HCN1: variants seen among roughly 807,000 people sequenced by gnomAD.
The protein encoded by HCN1 is potassium/sodium hyperpolarization-activated cyclic nucleotide-gated channel 1.
A neutral mutation model predicts 78.9 loss-of-function variants in HCN1; 13 were observed. The observed-to-expected ratio is 0.16, with a 90% CI of 0.11 to 0.26. The LOEUF is 0.26. HCN1 is among the 10% of genes least tolerant of loss of function. The pLI, the probability that HCN1 is intolerant of heterozygous loss-of-function variation, is 1.00. For synonymous variants in HCN1, 552 were observed against 455.5 expected, an observed-to-expected ratio of 1.21 and a Z score of -2.70; for missense variants, 810 against 1,154.3, an observed-to-expected ratio of 0.70 and a Z score of 4.32.
At chr5:45,586,466 G>A (rs949221103) in intron 2 of HCN1, among the ~76,000 whole-genome samples, 7 of 152,128 alleles carry the variant, frequency 4.6e-5, no homozygotes, top group Admixed American at 1.3e-4. Flanking sequence ...GACCCCTTGC[G>A]CTTCCCGGGT....
At position 45,262,416 on chromosome 5, in the gene HCN1, C is replaced by T. The variant is rs1039430806; in HGVS notation, c.2178G>A (p.Gln726=). Residue 726 remains glutamine (Q), a synonymous_variant, in exon 8 of 8, where the codon CAG becomes CAA. Coordinates refer to ENST00000303230, the MANE Select transcript of HCN1 (RefSeq NM_021072.4). ...TFHYASPTAS[Q]LSLMQQQPQQ... ...GCGGCTGCTGTTGCATGAGTGACAG[C>T]TGGGAGGCGGTGGGGGAGGCATAGT... The T allele has an allele frequency of 6.2e-7, 1 of 1,611,408 alleles. No individual in the cohort carries two copies. The highest frequency in any genetic ancestry group is 1.7e-5 in the Admixed American group (1 of 59,986).
chr5:45,621,344 GAA>G (rs1437277810), intron 2 of HCN1, among the ~76,000 whole-genome samples: 1 of 150,936 alleles, frequency 6.6e-6, no homozygotes, highest in African/African-American at 2.4e-5. Flanking sequence ...CTCCAGAAGT[GAA>G]AAGTCAGGCT....
chr5:45,514,883 A>AT (rs900049163), intron 2 of HCN1, among the ~76,000 whole-genome samples: 3 of 151,804 alleles, frequency 2.0e-5, no homozygotes, highest in Non-Finnish European at 2.9e-5. Flanking sequence ...CATTGCAAAT[A>AT]TTTTTTTCTT....
At chr5:45,429,748 C>T (rs1740425668) in intron 3 of HCN1, among the ~76,000 whole-genome samples, 1 of 151,942 alleles carries the variant, frequency 6.6e-6, no homozygotes, top group Admixed American at 6.6e-5. Context: ...GATAGGTCAT[C>T]GAAGGAGGTG....
intron 2 of HCN1, among the ~76,000 whole-genome samples, chr5:45,621,478 T>C (rs1311867970): frequency 6.6e-6 from 1 of 152,214 alleles, no homozygotes; most frequent in Non-Finnish European, 1.5e-5. Flanking sequence ...AATTAAATTA[T>C]ATTTTTCTGT....
At chr5:45,665,168 A>T (rs1746011111) in intron 1 of HCN1, among the ~76,000 whole-genome samples, 1 of 152,014 alleles carries the variant, frequency 6.6e-6, no homozygotes, top group Non-Finnish European at 1.5e-5. Flanking sequence ...TGAAATTGGA[A>T]ATCATCATTC....
chr5:45,587,408 A>G (rs967544397), intron 2 of HCN1, among the ~76,000 whole-genome samples: 1 of 152,182 alleles, frequency 6.6e-6, no homozygotes, highest in Non-Finnish European at 1.5e-5. Flanking sequence ...AGGGACATGG[A>G]TGAAGCTGGA....
chr5:45,618,928 G>A (rs551299601), intron 2 of HCN1, among the ~76,000 whole-genome samples: 24 of 152,116 alleles, frequency 1.6e-4, no homozygotes, highest in African/African-American at 5.5e-4. Context: ...ACAGGTAGGA[G>A]CATTCGGTGG....
chr5:45,372,265 A>AT (rs1747412455), intron 4 of HCN1, among the ~76,000 whole-genome samples: 1 of 83,514 alleles, frequency 1.2e-5, no homozygotes, highest in Non-Finnish European at 2.1e-5. Flanking sequence ...ATATTTATAT[A>AT]TATATTTATA....
At chr5:45,296,647 C>G (rs553608322) in intron 6 of HCN1, among the ~76,000 whole-genome samples, 1 of 151,570 alleles carries the variant, frequency 6.6e-6, no homozygotes, top group Non-Finnish European at 1.5e-5. Context: ...AAAATGAAAA[C>G]AGGAAACAAT....
chr5:45,347,254 C>G (rs1056248655), intron 5 of HCN1, among the ~76,000 whole-genome samples: 2 of 152,328 alleles, frequency 1.3e-5, no homozygotes, highest in Middle Eastern at 3.4e-3. Context: ...CCCAGGCAAA[C>G]AAGGTCTGGA....
At chr5:45,407,582 C>T (rs952219132) in intron 3 of HCN1, among the ~76,000 whole-genome samples, 2 of 151,968 alleles carry the variant, frequency 1.3e-5, no homozygotes, top group Non-Finnish European at 2.9e-5. Flanking sequence ...TGCAGTGGCG[C>T]GATCTTGGCT....
In HCN1 at chr5:45,260,092, G is replaced by C. The variant is rs1164156474; in HGVS notation, c.*1829C>G. ...ATTATAGGTATTATATCCACAAAAG[G>C]CATAACAGGCAGCAAGGATCCACTT... On this transcript the variant is annotated 3_prime_UTR_variant, in exon 8 of 8. Transcript: ENST00000303230. The C allele has an allele frequency of 6.6e-6, 1 of 152,224 alleles. No individual in the cohort carries two copies. The highest frequency in any genetic ancestry group is 1.5e-5 in the Non-Finnish European group (1 of 68,010). The allele number at this position is 152,224 out of a possible 1,614,324, so 9.4% of individuals were successfully genotyped here. A position where few individuals can be genotyped will look rare whatever the true frequency, so the allele number is the denominator to read the frequency against.
At chr5:45,624,805 G>A (rs2112001546) in intron 2 of HCN1, among the ~76,000 whole-genome samples, 1 of 152,122 alleles carries the variant, frequency 6.6e-6, no homozygotes, top group African/African-American at 2.4e-5. Flanking sequence ...AAGCAGGGAT[G>A]TAGGGCACAC....
At chr5:45,694,482 A>AT (rs1210560879) in intron 1 of HCN1, among the ~76,000 whole-genome samples, 13 of 152,196 alleles carry the variant, frequency 8.5e-5, no homozygotes, top group Non-Finnish European at 1.3e-4. Context: ...CCGTTAAGGC[A>AT]TGTAGTTGGT....
In HCN1 at chr5:45,574,219, T is replaced by C. The variant is rs573119405; in HGVS notation, c.849+70966A>G. ...GTAATTTTTACAAATTTAAGATTTT[T>C]GCAACTCTGCATCAACCAAGTCTAT... On this transcript the variant is annotated intron_variant, in intron 2 of 7. Coordinates refer to ENST00000303230, the MANE Select transcript of HCN1 (RefSeq NM_021072.4). Among the ~76,000 whole-genome samples the C allele has an allele frequency of 1.1e-4, 16 of 152,324 alleles. No individual in the cohort carries two copies. In the South Asian group the frequency reaches 3.3e-3, roughly 32 times the overall value.
rs1009473298 is a variant in HCN1, at chr5:45,610,579, AAT to A, written c.849+34604_849+34605del. On this transcript the variant is annotated intron_variant, in intron 2 of 7. Coordinates refer to ENST00000303230, the MANE Select transcript of HCN1 (RefSeq NM_021072.4). The stretch of plus-strand genomic sequence containing the variant: ...ATAAAGTATATATGTATATATGATT[AAT>A]ATATATATTCAAATGCCAGACATCT... Among the ~76,000 whole-genome samples, 3 of 149,532 alleles carry A rather than the reference AAT, an allele frequency of 2.0e-5. No individual in the cohort carries two copies. In the Admixed American group the frequency reaches 2.0e-4, roughly 10 times the overall value.
chr5:45,612,126 C>T (rs1299927365), intron 2 of HCN1, among the ~76,000 whole-genome samples: 1 of 152,098 alleles, frequency 6.6e-6, no homozygotes, highest in East Asian at 1.9e-4. Flanking sequence ...TTTCTGCAGT[C>T]TTGATTTAAT....
chr5:45,627,149 G>GTT (rs1745180974), intron 2 of HCN1, among the ~76,000 whole-genome samples: 1 of 152,070 alleles, frequency 6.6e-6, no homozygotes, highest in South Asian at 2.1e-4. Context: ...ATACAATTCC[G>GTT]TAATTCTGGT....
Sources: gnomAD v4.1 joint callset for allele counts (sites outside exome capture counted in the v4.1 genomes callset) on GRCh38, gnomAD v4.1.1 for gene constraint, MANE v1.5 for transcripts, NCBI Gene and HGNC (gene_info 2026-07-23, HGNC 2026-07-21) for gene names.